Variants in ARFGEF1 observed in about 807,000 individuals in gnomAD.
ARFGEF1 encodes ARF guanine nucleotide exchange factor 1.
A neutral mutation model predicts 231.0 loss-of-function variants in ARFGEF1; 42 were observed. That is an observed-to-expected ratio of 0.18 (90% CI 0.14 to 0.24). ARFGEF1 has a LOEUF of 0.24. Among genes scored for constraint, ARFGEF1 ranks in the 10% least tolerant of loss-of-function variants. ARFGEF1 has a pLI of 1.00. For missense variants in ARFGEF1, 1,345 were observed against 2,192.0 expected, an observed-to-expected ratio of 0.61 and a Z score of 7.72; for synonymous variants, 710 against 732.3, an observed-to-expected ratio of 0.97 and a Z score of 0.49.
At chr8:67,339,213 A>C (rs189605031) in intron 1 of ARFGEF1, among the ~76,000 whole-genome samples, 24 of 152,236 alleles carry the variant, frequency 1.6e-4, no homozygotes, top group African/African-American at 4.6e-4. Context: ...TACTTCCCTA[A>C]CAATTTTGTC....
At chr8:67,264,064 G>T (rs1273693328) in intron 14 of ARFGEF1, among the ~76,000 whole-genome samples, 1 of 152,088 alleles carries the variant, frequency 6.6e-6, no homozygotes, top group East Asian at 1.9e-4. Context: ...TTAGAGTCCA[G>T]CAGATCCAAA....
At chr8:67,247,749 G>A (rs1348976960) in intron 19 of ARFGEF1, among the ~76,000 whole-genome samples, 2 of 150,320 alleles carry the variant, frequency 1.3e-5, no homozygotes, top group African/African-American at 2.5e-5. Flanking sequence ...AAAGACATCC[G>A]AACTTGAAAG....
intron 5 of ARFGEF1, among the ~76,000 whole-genome samples, chr8:67,187,897 T>C (rs1035903128): frequency 6.6e-6 from 1 of 152,192 alleles, no homozygotes; most frequent in African/African-American, 2.4e-5. Flanking sequence ...CGATCTTACA[T>C]CTAAATGTAA....
In ARFGEF1 at chr8:67,267,475, T is replaced by C. The variant is rs763415706; in HGVS notation, c.1573-33A>G. Reference sequence around the variant, plus strand: ...TAGGAGAAAACTTCTGTTTAAAATATTGTTTAGAATTCATATGTGTGATCA... The same window carrying C: ...TAGGAGAAAACTTCTGTTTAAAATACTGTTTAGAATTCATATGTGTGATCA... On this transcript the variant is annotated intron_variant, in intron 10 of 38. Transcript: ENST00000262215. 5 of 1,351,538 alleles carry C rather than the reference T, an allele frequency of 3.7e-6. No homozygotes were observed. The East Asian group carries it at 6.9e-5, about 19-fold the overall frequency. 83.7% of individuals were successfully genotyped at this position (1,351,538 alleles called of 1,614,324 possible). A position where few individuals can be genotyped will look rare whatever the true frequency, so the allele number is the denominator to read the frequency against.
intron 5 of ARFGEF1, among the ~76,000 whole-genome samples, chr8:67,182,612 C>T (rs1228629538): frequency 6.6e-6 from 1 of 152,206 alleles, no homozygotes; most frequent in African/African-American, 2.4e-5. Context: ...CAGCAGTGCA[C>T]AAAAGTTCCG....
intron 19 of ARFGEF1, among the ~76,000 whole-genome samples, chr8:67,248,384 G>C (rs1840170256): frequency 6.7e-6 from 1 of 150,148 alleles, no homozygotes; most frequent in African/African-American, 2.5e-5. Flanking sequence ...ACATACATTG[G>C]GAGAAAGGAC....
intron 20 of ARFGEF1, among the ~76,000 whole-genome samples, chr8:67,239,180 G>T (rs937873804): frequency 1.3e-5 from 2 of 151,462 alleles, no homozygotes; most frequent in African/African-American, 4.9e-5. Context: ...CTAATTTTTT[G>T]TATCTTTAGT....
chr8:67,206,518 C>G (rs1466040919), intron 34 of ARFGEF1, among the ~76,000 whole-genome samples: 4 of 151,614 alleles, frequency 2.6e-5, no homozygotes, highest in African/African-American at 9.7e-5. Flanking sequence ...CAGCTATACA[C>G]AGTCACATCC....
chr8:67,193,403 C>G, downstream of ARFGEF1: 1 of 1,490,552 alleles, frequency 6.7e-7, no homozygotes, highest in Non-Finnish European at 9.3e-7. Context: ...GGCCCTGATT[C>G]ACTGATTTGT....
intron 34 of ARFGEF1, among the ~76,000 whole-genome samples, chr8:67,206,601 C>T (rs1191640488): frequency 5.3e-5 from 8 of 152,280 alleles, no homozygotes; most frequent in African/African-American, 1.7e-4. Context: ...CACTCACGGG[C>T]GTGCTCCCCT....
intron 20 of ARFGEF1, among the ~76,000 whole-genome samples, chr8:67,239,887 G>A (rs182965125): frequency 6.6e-6 from 1 of 151,976 alleles, no homozygotes; most frequent in Non-Finnish European, 1.5e-5. Context: ...AATTAACATA[G>A]GAATTCAAAG....
intron 7 of ARFGEF1, among the ~76,000 whole-genome samples, chr8:67,287,293 T>C (rs574799926): frequency 6.6e-6 from 1 of 152,180 alleles, no homozygotes; most frequent in African/African-American, 2.4e-5. Flanking sequence ...GTAAAAACCT[T>C]GGGACCTGAG....
chr8:67,185,268 T>C (rs1439771814), intron 5 of ARFGEF1, among the ~76,000 whole-genome samples: 1 of 152,140 alleles, frequency 6.6e-6, no homozygotes, highest in Non-Finnish European at 1.5e-5. Flanking sequence ...CAATGGAAGA[T>C]TTGATGAGCC....
At chr8:67,299,162 T>G (rs897046277) in intron 4 of ARFGEF1, 47 bp downstream of exon 4, 1 of 1,451,762 alleles carries the variant, frequency 6.9e-7, no homozygotes, top group African/African-American at 1.4e-5. Flanking sequence ...ATCTGAATTT[T>G]GAAGATACAG....
intron 17 of ARFGEF1, among the ~76,000 whole-genome samples, chr8:67,256,576 T>C (rs1385961976): frequency 6.6e-6 from 1 of 152,192 alleles, no homozygotes; most frequent in Non-Finnish European, 1.5e-5. Flanking sequence ...AGTAGGTAAT[T>C]TATTTTACAA....
At chr8:67,336,542 C>T (rs1808351408) in intron 1 of ARFGEF1, among the ~76,000 whole-genome samples, 1 of 152,156 alleles carries the variant, frequency 6.6e-6, no homozygotes, top group Non-Finnish European at 1.5e-5. Context: ...AGGGAAGAAT[C>T]CCTCCTTGCC....
intron 1 of ARFGEF1, among the ~76,000 whole-genome samples, chr8:67,333,680 T>C (rs1296895300): frequency 6.6e-6 from 1 of 152,026 alleles, no homozygotes; most frequent in Admixed American, 6.6e-5. Flanking sequence ...TAGAATGAAG[T>C]TTTGGAAAAA....
At chr8:67,256,771 A>G (rs750778029) in intron 17 of ARFGEF1, among the ~76,000 whole-genome samples, 10 of 152,234 alleles carry the variant, frequency 6.6e-5, no homozygotes, top group Non-Finnish European at 1.3e-4. Context: ...CAGTTCTTCA[A>G]TATTTAAGAA....
At chr8:67,223,670 T>C (rs1487364814) in intron 29 of ARFGEF1, among the ~76,000 whole-genome samples, 1 of 151,942 alleles carries the variant, frequency 6.6e-6, no homozygotes, top group African/African-American at 2.4e-5. Flanking sequence ...TGGTGAGAAA[T>C]AAGGTATCAC....
Sources: allele counts gnomAD v4.1 joint callset (sites outside exome capture counted in the v4.1 genomes callset), GRCh38; gene constraint gnomAD v4.1.1; transcripts MANE v1.5; gene names NCBI Gene and HGNC (gene_info 2026-07-23, HGNC 2026-07-21).